Variants in GMDS observed in about 807,000 individuals in gnomAD.
The protein encoded by GMDS is GDP-mannose 4,6 dehydratase.
GMDS carries 20 observed loss-of-function variants against 49.9 expected under a neutral mutation model. The observed-to-expected ratio is 0.40, with a 90% CI of 0.28 to 0.58. The LOEUF is 0.58. GMDS is among the 20% of genes least tolerant of loss of function. The pLI is 0.42. For missense variants in GMDS, 362 were observed against 481.4 expected, an observed-to-expected ratio of 0.75 and a Z score of 2.32; for synonymous variants, 177 against 178.6, an observed-to-expected ratio of 0.99 and a Z score of 0.07.
In GMDS at chr6:1,896,084, G is replaced by A. The variant is rs115751012; in HGVS notation, c.771+34019C>T. On this transcript the variant is annotated intron_variant, in intron 7 of 10. Transcript: ENST00000380815. ...ATAAAGGCACAAGCAGATTGGGGGA[G>A]CAGAGAGCTTGGCTTGAGGATGATT... Among the ~76,000 whole-genome samples the A allele has an allele frequency of 3.7e-3, 558 of 152,242 alleles. 5 individuals are homozygous for A. Among genetic ancestry groups the A allele is most frequent in the African/African-American group, 0.012 (519 of 41,542 alleles).
intron 7 of GMDS, among the ~76,000 whole-genome samples, chr6:1,834,079 T>A (rs1756808351): frequency 6.6e-6 from 1 of 152,210 alleles, no homozygotes. Flanking sequence ...CCTTAAAATC[T>A]AGTAGTTAAA....
intron 7 of GMDS, among the ~76,000 whole-genome samples, chr6:1,781,385 C>T (rs555644244): frequency 3.3e-4 from 50 of 152,340 alleles, no homozygotes; most frequent in East Asian, 9.7e-4. Flanking sequence ...TGCTTACTCT[C>T]GCTGGCGTGG....
At chr6:1,716,303 A>T (rs1023637846) in intron 9 of GMDS, among the ~76,000 whole-genome samples, 1 of 152,202 alleles carries the variant, frequency 6.6e-6, no homozygotes. Flanking sequence ...CTGTTTAAGA[A>T]TTTGTCTCAA....
chr6:1,677,910 C>T (rs548114894), intron 9 of GMDS, among the ~76,000 whole-genome samples: 21 of 151,724 alleles, frequency 1.4e-4, no homozygotes, highest in African/African-American at 4.6e-4. Context: ...CAAACCTGCA[C>T]GTTGTACACA....
At chr6:1,727,621 A>G (rs1766643174) in intron 8 of GMDS, among the ~76,000 whole-genome samples, 1 of 152,198 alleles carries the variant, frequency 6.6e-6, no homozygotes, top group African/African-American at 2.4e-5. Flanking sequence ...GGCACCACTG[A>G]AAATGAACAT....
intron 6 of GMDS, among the ~76,000 whole-genome samples, chr6:1,955,904 T>A (rs910550833): frequency 1.3e-5 from 2 of 152,178 alleles, no homozygotes; most frequent in Admixed American, 1.3e-4. Flanking sequence ...TACATGTATA[T>A]CATCAGTTAC....
intron 7 of GMDS, among the ~76,000 whole-genome samples, chr6:1,852,889 G>A (rs2113769237): frequency 6.6e-6 from 1 of 151,924 alleles, no homozygotes; most frequent in East Asian, 2.0e-4. Flanking sequence ...TATTTTTAGT[G>A]GAGATGGTGT....
chr6:1,661,985 C>T (rs539451440), intron 9 of GMDS, among the ~76,000 whole-genome samples: 1 of 152,168 alleles, frequency 6.6e-6, no homozygotes, highest in Non-Finnish European at 1.5e-5. Context: ...GACCTGAGAA[C>T]TAGATGAAAT....
chr6:1,980,627 A>G (rs570110424), intron 4 of GMDS, among the ~76,000 whole-genome samples: 3 of 152,306 alleles, frequency 2.0e-5, no homozygotes, highest in East Asian at 1.9e-4. Context: ...TCCACTGATA[A>G]TATTAGACAG....
intron 7 of GMDS, among the ~76,000 whole-genome samples, chr6:1,918,031 C>T (rs1018274626): frequency 1.1e-4 from 16 of 152,166 alleles, no homozygotes; most frequent in African/African-American, 3.6e-4. Flanking sequence ...CAAATAAATA[C>T]ATAAGAATCT....
intron 9 of GMDS, among the ~76,000 whole-genome samples, chr6:1,693,662 G>A (rs771151521): frequency 1.3e-5 from 2 of 152,202 alleles, no homozygotes; most frequent in Non-Finnish European, 2.9e-5. Context: ...GGAAGTGGCT[G>A]TCTTAATGCT....
At chr6:1,817,460 T>C (rs1770718689) in intron 7 of GMDS, among the ~76,000 whole-genome samples, 2 of 152,226 alleles carry the variant, frequency 1.3e-5, no homozygotes, top group African/African-American at 2.4e-5. Context: ...AAGAAATCTT[T>C]TCTTTTTTAA....
intron 7 of GMDS, among the ~76,000 whole-genome samples, chr6:1,895,979 A>T (rs1427905156): frequency 6.6e-6 from 1 of 152,160 alleles, no homozygotes; most frequent in Admixed American, 6.5e-5. Flanking sequence ...AAGCTGAGTG[A>T]TTCATCGTTC....
intron 7 of GMDS, among the ~76,000 whole-genome samples, chr6:1,762,750 G>C (rs1269268569): frequency 6.6e-6 from 1 of 152,118 alleles, no homozygotes; most frequent in Non-Finnish European, 1.5e-5. Flanking sequence ...TCGCGTCCCT[G>C]TTCATTTTTT....
At chr6:2,095,062 C>T (rs1182530339) in intron 4 of GMDS, among the ~76,000 whole-genome samples, 1 of 152,172 alleles carries the variant, frequency 6.6e-6, no homozygotes, top group East Asian at 1.9e-4. Flanking sequence ...ACACTAAACA[C>T]GTGCACCCAG....
intron 8 of GMDS, among the ~76,000 whole-genome samples, chr6:1,738,077 CACACACCACACACAT>C (rs1189320563): frequency 4.7e-5 from 7 of 148,216 alleles, no homozygotes; most frequent in African/African-American, 1.2e-4. Context: ...ACATACCACA[CACACACCACACACAT>C]ACACACCACA....
At chr6:2,188,152 A>C (rs2127566657) in intron 1 of GMDS, among the ~76,000 whole-genome samples, 1 of 152,336 alleles carries the variant, frequency 6.6e-6, no homozygotes, top group East Asian at 1.9e-4. Context: ...GACTCAAAGC[A>C]TCAAGAAGCA....
chr6:2,222,350 T>G lies in GMDS; in HGVS notation c.102+22971A>C, dbSNP rs372632904. 1.3e-4 allele frequency among the ~76,000 whole-genome samples: 20 copies of G among 152,256 alleles called. 1 individual carries two copies. Among genetic ancestry groups the G allele is most frequent in the Middle Eastern group, 3.4e-3 (1 of 294 alleles). ...GTGCAGTGAATGGGATTCCTCCAAT[T>G]CCAAATGGCTCCAAAACCTCTGCTT... is the stretch of plus-strand genomic sequence containing the variant. On this transcript the variant is annotated intron_variant, in intron 1 of 10. Transcript: ENST00000380815.
At chr6:1,994,803 T>C (rs981506719) in intron 4 of GMDS, among the ~76,000 whole-genome samples, 4 of 152,028 alleles carry the variant, frequency 2.6e-5, no homozygotes, top group African/African-American at 4.8e-5. Flanking sequence ...AGACACAACA[T>C]AGTCCCACTT....
Sources: gnomAD v4.1 joint callset for allele counts (sites outside exome capture counted in the v4.1 genomes callset) on GRCh38, gnomAD v4.1.1 for gene constraint, MANE v1.5 for transcripts, NCBI Gene and HGNC (gene_info 2026-07-23, HGNC 2026-07-21) for gene names.